MYO6: variants seen among roughly 807,000 people sequenced by gnomAD.
MYO6 encodes myosin VI.
A neutral mutation model predicts 178.7 loss-of-function variants in MYO6; 74 were observed. The ratio of observed to expected loss-of-function variants is 0.41; its 90% CI spans 0.34 to 0.50. MYO6 has a LOEUF of 0.50. Among genes scored for constraint, MYO6 ranks in the 20% least tolerant of loss-of-function variants. MYO6 has a pLI of 0.09. For synonymous variants in MYO6, 477 were observed against 504.6 expected (o/e 0.95, Z 0.73); for missense variants, 1,330 against 1,547.4 (o/e 0.86, Z 2.36).
chr6:75,779,854 C>G (rs1766781298), intron 1 of MYO6, among the ~76,000 whole-genome samples: 1 of 152,210 alleles, frequency 6.6e-6, no homozygotes, highest in African/African-American at 2.4e-5. Context: ...GCTTGTTACA[C>G]TTTTCATTCT....
rs372399868 is a variant in MYO6 at position 75,873,262 on chromosome 6, T to C, written c.2039T>C (p.Phe680Ser). The C allele has an allele frequency of 3.6e-5, 58 of 1,613,934 alleles. No individual in the cohort carries two copies. The highest frequency in any genetic ancestry group is 4.2e-5 in the Non-Finnish European group (50 of 1,179,976). ...KPNLKMTSHHFEGAQILSQLQ... is the reference protein window; with the variant it reads ...KPNLKMTSHHSEGAQILSQLQ... ...AACTTAAAGATGACAAGCCACCACT[T>C]TGAAGGTGCTCAAATTCTGTCTCAG... The change falls in exon 20 of 35, where the codon TTT (phenylalanine) becomes TCT (serine). Residue 680 changes from phenylalanine (F) to serine (S), a missense_variant. By Grantham distance (155) the Phe-to-Ser change is radical (BLOSUM62 -2). Around this residue, in one of 3 missense-constraint regions of MYO6, gnomAD observed 613 missense variants for 816.8 expected, o/e 0.75. Coordinates refer to ENST00000369977, the MANE Select transcript of MYO6 (RefSeq NM_004999.4).
intron 13 of MYO6, among the ~76,000 whole-genome samples, 191 bp downstream of exon 13, chr6:75,857,445 G>A (rs1223333812): frequency 3.3e-5 from 5 of 152,122 alleles, no homozygotes; most frequent in African/African-American, 1.2e-4. Flanking sequence ...AAGACTCGTG[G>A]GGATTAGTTT....
At chr6:75,840,853 C>T (rs1562234299) in intron 8 of MYO6, among the ~76,000 whole-genome samples, 171 bp downstream of exon 8, 1 of 152,146 alleles carries the variant, frequency 6.6e-6, no homozygotes, top group Non-Finnish European at 1.5e-5. Flanking sequence ...GCTCCTTTCA[C>T]AATCTAAAAC....
intron 1 of MYO6, among the ~76,000 whole-genome samples, chr6:75,806,428 C>A (rs1382664966): frequency 6.6e-6 from 1 of 152,020 alleles, no homozygotes; most frequent in East Asian, 1.9e-4. Flanking sequence ...AAGTGAGTGT[C>A]CATGGCTTCT....
rs547206017 is a variant in MYO6 at position 75,917,832 on chromosome 6, A to G, written c.*2820A>G. 5 of 152,708 alleles carry G rather than the reference A, an allele frequency of 3.3e-5. No individual in the cohort carries two copies. The highest frequency in any genetic ancestry group is 7.4e-5 in the Non-Finnish European group (5 of 68,024). The allele number at this position is 152,708 out of a possible 1,614,324, so 9.5% of individuals were successfully genotyped here. A position where few individuals can be genotyped will look rare whatever the true frequency, so the allele number is the denominator to read the frequency against. Reference sequence around the variant, plus strand: ...TGGATATTTTTTAAAAGACATTTTCATTCACAGGTCATTACTATGGTTCTC... The same window carrying G: ...TGGATATTTTTTAAAAGACATTTTCGTTCACAGGTCATTACTATGGTTCTC... On this transcript the variant is annotated 3_prime_UTR_variant, in exon 35 of 35. Coordinates refer to ENST00000369977, the MANE Select transcript of MYO6 (RefSeq NM_004999.4).
intron 2 of MYO6, among the ~76,000 whole-genome samples, chr6:75,822,396 T>C (rs1383552628): frequency 6.6e-6 from 1 of 152,136 alleles, no homozygotes; most frequent in Admixed American, 6.6e-5. Flanking sequence ...CTGTGCCCGG[T>C]TACTTTTTCC....
chr6:75,810,905 G>T (rs1475520598), intron 1 of MYO6, among the ~76,000 whole-genome samples: 1 of 152,174 alleles, frequency 6.6e-6, no homozygotes, highest in Non-Finnish European at 1.5e-5. Flanking sequence ...TACTCAGAAG[G>T]CTGAGGTGGG....
intron 18 of MYO6, among the ~76,000 whole-genome samples, chr6:75,869,622 CA>C (rs1475496344): frequency 6.6e-6 from 1 of 151,886 alleles, no homozygotes; most frequent in Non-Finnish European, 1.5e-5. Context: ...GTATAAAATC[CA>C]GATAGAAAAA....
chr6:75,911,665 T>C lies in MYO6; in HGVS notation c.3413-7T>C. On this transcript the variant is annotated splice_polypyrimidine_tract_variant and splice_region_variant and intron_variant, in intron 32 of 34. Coordinates refer to ENST00000369977, the MANE Select transcript of MYO6 (RefSeq NM_004999.4). Reference sequence around the variant, plus strand: ...TCTTTTCTTCAACATAAAATATTTGTTCACAGATTTTGCACCATTTTTGAA... The same window carrying C: ...TCTTTTCTTCAACATAAAATATTTGCTCACAGATTTTGCACCATTTTTGAA... 1 of 1,610,282 alleles carries C rather than the reference T, an allele frequency of 6.2e-7. No homozygotes were observed.
chr6:75,832,380 G>A lies in MYO6; in HGVS notation c.392-462G>A, dbSNP rs189007887. Among the ~76,000 whole-genome samples the A allele has an allele frequency of 4.6e-5, 7 of 152,124 alleles. No homozygotes were observed. In the East Asian group the frequency reaches 1.4e-3, roughly 29 times the overall value. On this transcript the variant is annotated intron_variant, in intron 5 of 34. Transcript: ENST00000369977. The stretch of plus-strand genomic sequence containing the variant: ...ATGTTGACAAATTCTAAATTTAATA[G>A]TTGTATTAGAGAAAAAAACCCAAGT...
At chr6:75,756,263 TG>T (rs1351172001) in intron 1 of MYO6, among the ~76,000 whole-genome samples, 119 of 151,166 alleles carry the variant, frequency 7.9e-4, no homozygotes, top group Middle Eastern at 3.4e-3. Flanking sequence ...AAAAAACAAA[TG>T]GGACTAGGAC....
At chr6:75,830,333 A>G in intron 4 of MYO6, 83 bp from the exon 5 acceptor site, 2 of 1,356,154 alleles carry the variant, frequency 1.5e-6, no homozygotes, top group East Asian at 2.4e-5. Context: ...AATTTTTTGT[A>G]TTTTATTTTT....
At chr6:75,869,973 G>A (rs1213020576) in intron 18 of MYO6, among the ~76,000 whole-genome samples, 2 of 151,950 alleles carry the variant, frequency 1.3e-5, no homozygotes, top group Non-Finnish European at 2.9e-5. Flanking sequence ...AATTTGCTGG[G>A]CGTGGTGGTG....
In MYO6 at chr6:75,887,067, G is replaced by T. The variant is rs981287543; in HGVS notation, c.2658+73G>T. On this transcript the variant is annotated intron_variant, in intron 25 of 34. Coordinates refer to ENST00000369977, the MANE Select transcript of MYO6 (RefSeq NM_004999.4). ...ATATTTTGTTATTGGTATTGAAATT[G>T]TATAGAAAACGTCCTTAGTTTTTCA... The T allele has an allele frequency of 5.5e-6, 8 of 1,451,336 alleles. No homozygotes were observed. In the African/African-American group the frequency reaches 1.1e-4, roughly 20 times the overall value. The allele number at this position is 1,451,336 out of a possible 1,614,324, so 89.9% of individuals were successfully genotyped here. A position where few individuals can be genotyped will look rare whatever the true frequency, so the allele number is the denominator to read the frequency against.
chr6:75,825,224 T>A (rs78045069), intron 3 of MYO6, among the ~76,000 whole-genome samples: 273 of 152,352 alleles, frequency 1.8e-3, no homozygotes, highest in Non-Finnish European at 3.0e-3. Context: ...TGAGCTACCA[T>A]GACTTTCATG....
At chr6:75,885,735 C>G (rs565852985) in intron 23 of MYO6, among the ~76,000 whole-genome samples, 7 of 152,046 alleles carry the variant, frequency 4.6e-5, no homozygotes, top group African/African-American at 1.7e-4. Flanking sequence ...CGTGAGCCAC[C>G]GCGCCCGGCC....
At chr6:75,785,311 T>A (rs1407286190) in intron 1 of MYO6, among the ~76,000 whole-genome samples, 42 of 152,202 alleles carry the variant, frequency 2.8e-4, no homozygotes, top group Admixed American at 2.8e-3. Flanking sequence ...TAAGAATAGC[T>A]GGAAATTATC....
At chr6:75,899,334 ATT>A (rs2149390134) in intron 30 of MYO6, among the ~76,000 whole-genome samples, 1 of 151,670 alleles carries the variant, frequency 6.6e-6, no homozygotes, top group African/African-American at 2.4e-5. Flanking sequence ...TATTATGTCA[ATT>A]TACCTCTTCT....
intron 1 of MYO6, among the ~76,000 whole-genome samples, chr6:75,760,815 T>A (rs1027445346): frequency 6.6e-6 from 1 of 152,112 alleles, no homozygotes; most frequent in Non-Finnish European, 1.5e-5. Flanking sequence ...TATTGTTTAT[T>A]TGGATTTGAC....
Sources: allele counts gnomAD v4.1 joint callset (sites outside exome capture counted in the v4.1 genomes callset), GRCh38; gene constraint gnomAD v4.1.1; regional missense constraint gnomAD v4.1.1; transcripts MANE v1.5; gene names NCBI Gene and HGNC (gene_info 2026-07-23, HGNC 2026-07-21).